NOS1AP: variants seen among roughly 807,000 people sequenced by gnomAD.
The protein encoded by NOS1AP is nitric oxide synthase 1 adaptor protein, also known as carboxyl-terminal PDZ ligand of neuronal nitric oxide synthase protein.
A neutral mutation model predicts 56.2 loss-of-function variants in NOS1AP; 21 were observed. The ratio of observed to expected loss-of-function variants is 0.37; its 90% CI spans 0.26 to 0.54. The LOEUF is 0.54. Ranked by LOEUF, NOS1AP falls within the 20% of genes least tolerant of loss-of-function variation. The pLI is 0.84. For synonymous variants in NOS1AP, 270 were observed against 274.6 expected (o/e 0.98, Z 0.17); for missense variants, 522 against 657.8 (o/e 0.79, Z 2.26).
chr1:162,302,373 A>G (rs1655694659), intron 4 of NOS1AP, among the ~76,000 whole-genome samples: 1 of 152,238 alleles, frequency 6.6e-6, no homozygotes, highest in South Asian at 2.1e-4. Flanking sequence ...ATCGAAGGGA[A>G]CAATTATCTT....
chr1:162,110,619 C>T (rs1647674153), intron 1 of NOS1AP, among the ~76,000 whole-genome samples: 1 of 152,150 alleles, frequency 6.6e-6, no homozygotes, highest in Non-Finnish European at 1.5e-5. Flanking sequence ...TTAGGTGATG[C>T]CAATGACCTA....
chr1:162,215,038 A>G (rs1652516235), intron 2 of NOS1AP, among the ~76,000 whole-genome samples: 1 of 152,226 alleles, frequency 6.6e-6, no homozygotes, highest in African/African-American at 2.4e-5. Flanking sequence ...CTTCACCCCA[A>G]CCCACCGTGA....
chr1:162,213,949 C>T (rs1652455828), intron 2 of NOS1AP, among the ~76,000 whole-genome samples: 1 of 152,178 alleles, frequency 6.6e-6, no homozygotes, highest in Admixed American at 6.5e-5. Context: ...TTTATTCAAG[C>T]CTATTTAATG....
intron 2 of NOS1AP, among the ~76,000 whole-genome samples, chr1:162,242,695 T>G (rs777959108): frequency 1.3e-5 from 2 of 152,184 alleles, no homozygotes; most frequent in African/African-American, 2.4e-5. Flanking sequence ...GTATTACAGA[T>G]GTAATTTGTT....
In NOS1AP at chr1:162,276,715, T is replaced by G. The variant is rs556938741; in HGVS notation, c.178-10629T>G. Among the ~76,000 whole-genome samples the G allele has an allele frequency of 1.1e-3, 163 of 152,274 alleles. 3 individuals carry two copies. In the Middle Eastern group the frequency reaches 0.02, roughly 19 times the overall value. Reference sequence around the variant, plus strand: ...AGGAAATATTGCCACCTACTGACAGTAGATAATTATTATGCCTTGAAAGAA... The same window carrying G: ...AGGAAATATTGCCACCTACTGACAGGAGATAATTATTATGCCTTGAAAGAA... On this transcript the variant is annotated intron_variant, in intron 2 of 9. Transcript: ENST00000361897.
intron 1 of NOS1AP, among the ~76,000 whole-genome samples, chr1:162,090,349 G>T (rs1692104499): frequency 6.9e-6 from 1 of 144,208 alleles, no homozygotes; most frequent in African/African-American, 2.5e-5. Context: ...AAAATTAGAT[G>T]CTGCCTAAAT....
At chr1:162,106,398 G>C (rs1357810553) in intron 1 of NOS1AP, among the ~76,000 whole-genome samples, 1 of 152,086 alleles carries the variant, frequency 6.6e-6, no homozygotes, top group Non-Finnish European at 1.5e-5. Context: ...TGAGCACCAC[G>C]GACTGGAGCT....
At chr1:162,184,592 G>C (rs2102148890) in intron 2 of NOS1AP, among the ~76,000 whole-genome samples, 1 of 152,276 alleles carries the variant, frequency 6.6e-6, no homozygotes, top group East Asian at 1.9e-4. Context: ...TATTGCATCT[G>C]GTATGTGGAA....
At chr1:162,168,499 C>T (rs1431711942) in intron 2 of NOS1AP, among the ~76,000 whole-genome samples, 1 of 152,208 alleles carries the variant, frequency 6.6e-6, no homozygotes, top group Non-Finnish European at 1.5e-5. Flanking sequence ...AGTTGATAAA[C>T]AGGGTCAGGC....
At chr1:162,208,973 C>T (rs764696327) in intron 2 of NOS1AP, among the ~76,000 whole-genome samples, 1 of 152,214 alleles carries the variant, frequency 6.6e-6, no homozygotes. Flanking sequence ...TTTCATTTTG[C>T]TTTCCTTGCT....
Position 162,333,004 on chromosome 1 carries a change from G to A in NOS1AP, c.345-13G>A. 6.3e-7 allele frequency: 1 copy of A among 1,595,678 alleles called. No homozygotes were observed. Among genetic ancestry groups the A allele is most frequent in the Non-Finnish European group, 8.6e-7 (1 of 1,163,284 alleles). On this transcript the variant is annotated splice_polypyrimidine_tract_variant and intron_variant, in intron 4 of 9. Coordinates refer to ENST00000361897, the MANE Select transcript of NOS1AP (RefSeq NM_014697.3). ...GCCATTTTCAGTGCATTTTTCTGTTGTTCTTCCTTTAGGATCTTCTATGTC... is the reference window on the plus strand; with the variant it reads ...GCCATTTTCAGTGCATTTTTCTGTTATTCTTCCTTTAGGATCTTCTATGTC...
chr1:162,074,308 A>G (rs1322200897), intron 1 of NOS1AP, among the ~76,000 whole-genome samples: 1 of 152,220 alleles, frequency 6.6e-6, no homozygotes, highest in Non-Finnish European at 1.5e-5. Context: ...TTTTGACTCC[A>G]GGTCCATGGT....
chr1:162,256,676 C>T (rs1319382258), intron 2 of NOS1AP, among the ~76,000 whole-genome samples: 17 of 152,128 alleles, frequency 1.1e-4, no homozygotes, highest in African/African-American at 3.6e-4. Flanking sequence ...CACAAATGCG[C>T]GTATGTACAT....
At chr1:162,299,538 G>A (rs1482742862) in intron 3 of NOS1AP, among the ~76,000 whole-genome samples, 1 of 152,190 alleles carries the variant, frequency 6.6e-6, no homozygotes. Context: ...CTCCTTCTGT[G>A]TTGCTCCAAA....
intron 1 of NOS1AP, among the ~76,000 whole-genome samples, chr1:162,143,551 C>T (rs1649325865): frequency 6.6e-6 from 1 of 152,138 alleles, no homozygotes; most frequent in Non-Finnish European, 1.5e-5. Flanking sequence ...ACCTCCGGGG[C>T]TCAAGCGATC....
chr1:162,077,580 G>A (rs1258503341), intron 1 of NOS1AP, among the ~76,000 whole-genome samples: 1 of 152,082 alleles, frequency 6.6e-6, no homozygotes, highest in Non-Finnish European at 1.5e-5. Flanking sequence ...GAAACACAAA[G>A]TTTTAAATTT....
intron 1 of NOS1AP, among the ~76,000 whole-genome samples, chr1:162,116,186 G>A (rs1235822561): frequency 2.6e-5 from 4 of 152,254 alleles, no homozygotes; most frequent in South Asian, 4.1e-4. Flanking sequence ...AAGCGGGGTC[G>A]TGACTCACTT....
Position 162,253,668 on chromosome 1 carries a change from G to A in NOS1AP, c.178-33676G>A, listed in dbSNP as rs560923518. Among the ~76,000 whole-genome samples, 14 of 152,284 alleles carry A rather than the reference G, an allele frequency of 9.2e-5. No homozygotes were observed. In the South Asian group the frequency reaches 1.0e-3, roughly 11 times the overall value. On this transcript the variant is annotated intron_variant, in intron 2 of 9. Transcript: ENST00000361897. Reference sequence around the variant, plus strand: ...TTGTCCTTGACTTCTGTGATGCTGAGATCTAAGGAAATGTCACTCCCTTTG... The same window carrying A: ...TTGTCCTTGACTTCTGTGATGCTGAAATCTAAGGAAATGTCACTCCCTTTG...
At chr1:162,081,771 T>TAG (rs1691896531) in intron 1 of NOS1AP, among the ~76,000 whole-genome samples, 3 of 51,596 alleles carry the variant, frequency 5.8e-5, no homozygotes, top group Non-Finnish European at 1.4e-4. Flanking sequence ...TATATATATA[T>TAG]ATATTTTTTT....
Sources: gnomAD v4.1 joint callset for allele counts (sites outside exome capture counted in the v4.1 genomes callset) on GRCh38, gnomAD v4.1.1 for gene constraint, MANE v1.5 for transcripts, NCBI Gene and HGNC (gene_info 2026-07-23, HGNC 2026-07-21) for gene names.